RAPGEF6: variants seen among roughly 807,000 people sequenced by gnomAD.
The protein encoded by RAPGEF6 is PDZ domain containing guanine nucleotide exchange factor (GEF) 2.
RAPGEF6 carries 56 observed loss-of-function variants against 171.4 expected under a neutral mutation model. The ratio of observed to expected loss-of-function variants is 0.33; its 90% CI spans 0.26 to 0.41. RAPGEF6 has a LOEUF of 0.41. Among genes scored for constraint, RAPGEF6 ranks in the 10% least tolerant of loss-of-function variants. RAPGEF6 has a pLI of 1.00. For missense variants in RAPGEF6, 1,674 were observed against 1,921.4 expected (o/e 0.87, Z 2.41); for synonymous variants, 692 against 650.1 (o/e 1.06, Z -0.98).
chr5:131,590,379 A>G (rs916851898), intron 4 of RAPGEF6, among the ~76,000 whole-genome samples: 1 of 152,192 alleles, frequency 6.6e-6, no homozygotes, highest in African/African-American at 2.4e-5. Flanking sequence ...CCTGGGCAAC[A>G]GCGACTCTGT....
At chr5:131,610,469 A>G (rs1764870157) in intron 1 of RAPGEF6, among the ~76,000 whole-genome samples, 2 of 152,190 alleles carry the variant, frequency 1.3e-5, no homozygotes, top group Admixed American at 1.3e-4. Flanking sequence ...GTGAACAGAG[A>G]GGAATGTGTG....
chr5:131,485,414 C>T (rs1314118487), intron 15 of RAPGEF6, among the ~76,000 whole-genome samples: 1 of 152,162 alleles, frequency 6.6e-6, no homozygotes, highest in Non-Finnish European at 1.5e-5. Context: ...CTTTAGATGG[C>T]TGTGAGCACT....
intron 14 of RAPGEF6, 33 bp from the exon 15 acceptor site, chr5:131,489,687 A>T: frequency 2.5e-6 from 3 of 1,211,990 alleles, no homozygotes; most frequent in Non-Finnish European, 3.5e-6. Flanking sequence ...AAATTAATAC[A>T]GAACAGTATT....
chr5:131,479,421 A>G, intron 16 of RAPGEF6, 92 bp downstream of exon 16: 1 of 1,410,052 alleles, frequency 7.1e-7, no homozygotes, highest in South Asian at 1.3e-5. Context: ...TTATATAACA[A>G]AGCAAAACTT....
At chr5:131,562,087 T>C (rs762037697) in intron 4 of RAPGEF6, 40 bp from the exon 5 acceptor site, 1 of 1,303,514 alleles carries the variant, frequency 7.7e-7, no homozygotes, top group Non-Finnish European at 1.1e-6. Context: ...CAAAGGTTAT[T>C]AATAAAATAT....
Position 131,568,644 on chromosome 5 carries a change from T to A in RAPGEF6, c.282-6597A>T, listed in dbSNP as rs113112918. On this transcript the variant is annotated intron_variant, in intron 4 of 27. Transcript: ENST00000509018. ...CTGATTTTTGTTATATTCTTGATGG[T>A]TAATCTGTGGGATTGCAATATGCTT... 3.3e-3 allele frequency among the ~76,000 whole-genome samples: 503 copies of A among 152,294 alleles called. 2 individuals are homozygous for A. The highest frequency in any genetic ancestry group is 0.012 in the African/African-American group (482 of 41,564).
intron 4 of RAPGEF6, among the ~76,000 whole-genome samples, chr5:131,577,258 T>C (rs562371384): frequency 1.3e-5 from 2 of 152,276 alleles, no homozygotes; most frequent in East Asian, 3.9e-4. Context: ...GGAACCTTCA[T>C]TCCCCCTACC....
intron 6 of RAPGEF6, among the ~76,000 whole-genome samples, chr5:131,546,838 T>C (rs1760576616): frequency 1.3e-5 from 2 of 152,194 alleles, no homozygotes; most frequent in Non-Finnish European, 2.9e-5. Flanking sequence ...TACAGATTTA[T>C]CTGTATGTTG....
At chr5:131,455,641 A>C (rs1753437221) in intron 20 of RAPGEF6, among the ~76,000 whole-genome samples, 160 bp downstream of exon 20, 1 of 152,240 alleles carries the variant, frequency 6.6e-6, no homozygotes, top group African/African-American at 2.4e-5. Flanking sequence ...CTAATTAACA[A>C]ATATGTATGG....
At chr5:131,493,286 G>C (rs141829901) in intron 13 of RAPGEF6, among the ~76,000 whole-genome samples, 1 of 151,998 alleles carries the variant, frequency 6.6e-6, no homozygotes, top group South Asian at 2.1e-4. Flanking sequence ...CGATGGTCTT[G>C]ATCTCTTGAC....
At chr5:131,574,150 G>T (rs1762462786) in intron 4 of RAPGEF6, among the ~76,000 whole-genome samples, 1 of 152,142 alleles carries the variant, frequency 6.6e-6, no homozygotes, top group Admixed American at 6.5e-5. Flanking sequence ...AATGCCAAAA[G>T]CCTGGCCACT....
At chr5:131,504,547 A>G in intron 11 of RAPGEF6, 79 bp downstream of exon 11, 1 of 1,369,218 alleles carries the variant, frequency 7.3e-7, no homozygotes, top group Non-Finnish European at 9.9e-7. Context: ...TGCATTACTT[A>G]AAAAATGGTT....
At chr5:131,511,585 C>G (rs1481833680) in intron 7 of RAPGEF6, among the ~76,000 whole-genome samples, 2 of 150,510 alleles carry the variant, frequency 1.3e-5, no homozygotes, top group African/African-American at 4.9e-5. Flanking sequence ...CAACCTTGTC[C>G]TCCTGGACTC....
intron 6 of RAPGEF6, among the ~76,000 whole-genome samples, chr5:131,522,103 C>A (rs1758536182): frequency 6.6e-6 from 1 of 152,010 alleles, no homozygotes; most frequent in Admixed American, 6.6e-5. Context: ...CTAGTTGGCC[C>A]CTGAGAGATT....
intron 7 of RAPGEF6, among the ~76,000 whole-genome samples, chr5:131,516,967 C>G (rs1361549745): frequency 6.6e-6 from 1 of 152,174 alleles, no homozygotes; most frequent in Admixed American, 6.5e-5. Context: ...TGTAGCCACA[C>G]ATTTGGCCAT....
chr5:131,587,066 A>T (rs953996844), intron 4 of RAPGEF6, among the ~76,000 whole-genome samples: 3 of 152,184 alleles, frequency 2.0e-5, no homozygotes, highest in Non-Finnish European at 4.4e-5. Flanking sequence ...TACTAGCAGA[A>T]ATTGGTTTTG....
At chr5:131,460,901 T>C (rs1022574498) in intron 19 of RAPGEF6, among the ~76,000 whole-genome samples, 2 of 152,158 alleles carry the variant, frequency 1.3e-5, no homozygotes, top group African/African-American at 4.8e-5. Flanking sequence ...GGGATGTGTA[T>C]AGGTAGGATT....
At position 131,472,646 on chromosome 5, in the gene RAPGEF6, G is replaced by A; in HGVS notation, c.2180C>T (p.Ser727Phe). Residue 727 changes from serine to phenylalanine, a missense_variant, in exon 17 of 28, where the codon TCC (serine) becomes TTC (phenylalanine). Coordinates refer to ENST00000509018, the MANE Select transcript of RAPGEF6 (RefSeq NM_016340.6). ...AGGCTGCAGGAGATCAGGGCTGCTG[G>A]ATGAGAGTGTTCCAGGGATGGGCAT... is the stretch of plus-strand genomic sequence containing the variant. ...AIMPIPGTLS[S>F]SSPDLLQPTT... is the part of the protein sequence containing the mutation. 6.2e-7 allele frequency: 1 copy of A among 1,614,010 alleles called. No homozygotes were observed. Among genetic ancestry groups the A allele is most frequent in the Non-Finnish European group, 8.5e-7 (1 of 1,179,858 alleles).
At chr5:131,437,921 A>T (rs1752117976) in intron 24 of RAPGEF6, among the ~76,000 whole-genome samples, 1 of 152,014 alleles carries the variant, frequency 6.6e-6, no homozygotes, top group Non-Finnish European at 1.5e-5. Context: ...GTTAAAATAG[A>T]TGGTCTTTTT....
Sources: allele counts gnomAD v4.1 joint callset (sites outside exome capture counted in the v4.1 genomes callset), GRCh38; gene constraint gnomAD v4.1.1; transcripts MANE v1.5; gene names NCBI Gene and HGNC (gene_info 2026-07-23, HGNC 2026-07-21).